DTX4: variants seen among roughly 807,000 people sequenced by gnomAD.
DTX4 encodes E3 ubiquitin-protein ligase DTX4.
In DTX4, 28 loss-of-function variants were observed where a neutral mutation model predicts 57.6. That is an observed-to-expected ratio of 0.49 (90% CI 0.36 to 0.67). DTX4 has a LOEUF of 0.67. Among genes scored for constraint, DTX4 ranks in the 30% least tolerant of loss-of-function variants. The pLI is 0.00. For missense variants in DTX4, 715 were observed against 836.8 expected, an observed-to-expected ratio of 0.85 and a Z score of 1.80; for synonymous variants, 316 against 331.0, an observed-to-expected ratio of 0.95 and a Z score of 0.49.
In DTX4 at chr11:59,205,214, C is replaced by A; in HGVS notation, c.*305C>A. On this transcript the variant is annotated 3_prime_UTR_variant, in exon 9 of 9. Transcript: ENST00000227451. ...CCCTACCCCACCTCCCAAGTAGGGGCATGGTCAGCACACCTAGGGTATGGG... is the reference window on the plus strand; with the variant it reads ...CCCTACCCCACCTCCCAAGTAGGGGAATGGTCAGCACACCTAGGGTATGGG... 2.7e-6 allele frequency: 1 copy of A among 366,856 alleles called. No homozygotes were observed. Among genetic ancestry groups the A allele is most frequent in the Non-Finnish European group, 5.2e-6 (1 of 191,358 alleles). 22.7% of individuals were successfully genotyped at this position (366,856 alleles called of 1,614,324 possible). A position where few individuals can be genotyped will look rare whatever the true frequency, so the allele number is the denominator to read the frequency against.
rs1862842062 is a variant in DTX4, at chr11:59,208,312, A to G, written c.*3403A>G. 1 of 151,640 alleles carries G rather than the reference A, an allele frequency of 6.6e-6. No individual in the cohort carries two copies. The highest frequency in any genetic ancestry group is 6.6e-5 in the Admixed American group (1 of 15,212). 9.4% of individuals were successfully genotyped at this position (151,640 alleles called of 1,614,324 possible). ...GGAAGTCCCTCCCCAACCACTTAAA[A>G]ACAAATTTTCCACATATTACCCACC... is the stretch of plus-strand genomic sequence containing the variant. On this transcript the variant is annotated 3_prime_UTR_variant, in exon 9 of 9. Coordinates refer to ENST00000227451, the MANE Select transcript of DTX4 (RefSeq NM_015177.2).
Position 59,172,683 on chromosome 11 carries a change from A to G in DTX4, c.88A>G (p.Ile30Val). ...RPYSPAVSHHIEAVVRAGPRA... is the reference protein window; with the variant it reads ...RPYSPAVSHHVEAVVRAGPRA... ...CTACAGCCCAGCGGTGAGCCACCACATCGAGGCGGTGGTCCGCGCCGGCCC... is the reference window on the plus strand; with the variant it reads ...CTACAGCCCAGCGGTGAGCCACCACGTCGAGGCGGTGGTCCGCGCCGGCCC... The change falls in exon 1 of 9, where the codon ATC (isoleucine) becomes GTC (valine). Residue 30 changes from isoleucine (I) to valine (V), a missense_variant. By Grantham distance (29) the Ile-to-Val change is conservative. Transcript: ENST00000227451. 1 of 1,600,726 alleles carries G rather than the reference A, an allele frequency of 6.2e-7. No homozygotes were observed. The highest frequency in any genetic ancestry group is 8.5e-7 in the Non-Finnish European group (1 of 1,176,468).
intron 1 of DTX4, among the ~76,000 whole-genome samples, chr11:59,179,427 A>T (rs774247100): frequency 6.6e-6 from 1 of 152,220 alleles, no homozygotes; most frequent in Non-Finnish European, 1.5e-5. Context: ...CCCTTTCCCA[A>T]TTGATTCTTT....
At chr11:59,181,657 G>A in intron 1 of DTX4, 82 bp from the exon 2 acceptor site, 1 of 1,502,838 alleles carries the variant, frequency 6.7e-7, no homozygotes, top group Middle Eastern at 2.4e-4. Context: ...TGCCATTATG[G>A]CAATGGCATG....
At chr11:59,196,125 C>G (rs1460753462) in intron 7 of DTX4, among the ~76,000 whole-genome samples, 1 of 152,190 alleles carries the variant, frequency 6.6e-6, no homozygotes, top group Admixed American at 6.5e-5. Flanking sequence ...TTCTTCTATC[C>G]TCTTTTCCTC....
At chr11:59,180,772 G>T (rs1056740931) in intron 1 of DTX4, among the ~76,000 whole-genome samples, 11 of 152,136 alleles carry the variant, frequency 7.2e-5, no homozygotes, top group African/African-American at 2.7e-4. Context: ...TTCCCTTACA[G>T]TCCTGCCAGT....
rs1204580088 is a variant in DTX4 at position 59,188,678 on chromosome 11, T to C, written c.936-57T>C. 4.9e-6 allele frequency: 7 copies of C among 1,422,790 alleles called. 1 individual carries two copies. Among genetic ancestry groups the C allele is most frequent in the African/African-American group, 4.2e-5 (3 of 70,962 alleles). The allele number at this position is 1,422,790 out of a possible 1,614,324, so 88.1% of individuals were successfully genotyped here. On this transcript the variant is annotated intron_variant, in intron 2 of 8. Transcript: ENST00000227451. ...ACTGCATTTTATTAGAATTAAATAC[T>C]GGTCCATTTTGTTCCACGTGTCAAA... is the stretch of plus-strand genomic sequence containing the variant.
chr11:59,183,905 T>A (rs1862496188), intron 2 of DTX4, among the ~76,000 whole-genome samples: 1 of 152,236 alleles, frequency 6.6e-6, no homozygotes, highest in African/African-American at 2.4e-5. Context: ...ATCTAAGTGT[T>A]AAGCACAGAC....
chr11:59,183,212 A>G (rs1458769631), intron 2 of DTX4, among the ~76,000 whole-genome samples: 1 of 152,110 alleles, frequency 6.6e-6, no homozygotes, highest in African/African-American at 2.4e-5. Flanking sequence ...CCAAGTACCT[A>G]CCACAATGCC....
chr11:59,191,316 A>AG (rs1168013309), intron 5 of DTX4, 141 bp downstream of exon 5: 3 of 794,842 alleles, frequency 3.8e-6, no homozygotes, highest in Non-Finnish European at 5.9e-6. Context: ...ACTGACACTG[A>AG]GGGTTCAAGG....
intron 5 of DTX4, 151 bp from the exon 6 acceptor site, chr11:59,191,947 A>G: frequency 1.2e-6 from 1 of 808,330 alleles, no homozygotes; most frequent in Non-Finnish European, 1.9e-6. Flanking sequence ...AGACAAAACG[A>G]TATTTAGATT....
chr11:59,191,217 C>T, intron 5 of DTX4, 42 bp downstream of exon 5: 1 of 1,536,534 alleles, frequency 6.5e-7, no homozygotes, highest in Non-Finnish European at 8.8e-7. Flanking sequence ...CTCTCCATCA[C>T]CCACAAGCAT....
chr11:59,188,487 G>T (rs777147724), intron 2 of DTX4, among the ~76,000 whole-genome samples: 6 of 152,298 alleles, frequency 3.9e-5, no homozygotes, highest in Non-Finnish European at 7.4e-5. Context: ...AAGCTGGGTG[G>T]CAGTGTTGGC....
chr11:59,180,557 CT>C (rs1280541499), intron 1 of DTX4, among the ~76,000 whole-genome samples: 2 of 152,176 alleles, frequency 1.3e-5, no homozygotes, highest in Non-Finnish European at 2.9e-5. Context: ...TGAAGGCAGC[CT>C]TTTCTCACCA....
intron 1 of DTX4, among the ~76,000 whole-genome samples, chr11:59,179,126 A>G (rs1862429866): frequency 6.6e-6 from 1 of 152,184 alleles, no homozygotes; most frequent in Non-Finnish European, 1.5e-5. Context: ...GAGAGAATAT[A>G]AAATAGTGCC....
At chr11:59,182,504 A>T (rs1565216846) in intron 2 of DTX4, 42 bp downstream of exon 2, 1 of 1,534,608 alleles carries the variant, frequency 6.5e-7, no homozygotes, top group Admixed American at 2.0e-5. Context: ...TACTCAGGGT[A>T]GAGATAGGCT....
chr11:59,176,165 G>A (rs910045982), intron 1 of DTX4, among the ~76,000 whole-genome samples: 1 of 152,062 alleles, frequency 6.6e-6, no homozygotes, highest in Non-Finnish European at 1.5e-5. Flanking sequence ...CTGAGTTTTA[G>A]CCCCGCCACA....
chr11:59,172,549 CG>C lies in DTX4; in HGVS notation c.-43del. On this transcript the variant is annotated 5_prime_UTR_variant, in exon 1 of 9. Transcript: ENST00000227451. ...GAGGAAGCGGAGGAGGTCGGGCGCT[CG>C]GGGCCCGGGAGGCGGGCCGCGCAGC... The C allele has an allele frequency of 7.9e-7, 1 of 1,263,880 alleles. No homozygotes were observed. The highest frequency in any genetic ancestry group is 1.0e-6 in the Non-Finnish European group (1 of 995,472). The allele number at this position is 1,263,880 out of a possible 1,614,324, so 78.3% of individuals were successfully genotyped here.
In DTX4 at chr11:59,206,568, C is replaced by T. The variant is rs1862812932; in HGVS notation, c.*1659C>T. ...CATAATATTTGGAAGGTTTTTGATG[C>T]TAGAAAAATGGAAACAAGAGAACCT... On this transcript the variant is annotated 3_prime_UTR_variant, in exon 9 of 9. Transcript: ENST00000227451. The T allele has an allele frequency of 6.7e-6, 1 of 149,646 alleles. No homozygotes were observed. The highest frequency in any genetic ancestry group is 1.5e-5 in the Non-Finnish European group (1 of 67,570). 9.3% of individuals were successfully genotyped at this position (149,646 alleles called of 1,614,324 possible). A position where few individuals can be genotyped will look rare whatever the true frequency, so the allele number is the denominator to read the frequency against.
Sources: allele counts gnomAD v4.1 joint callset (sites outside exome capture counted in the v4.1 genomes callset), GRCh38; gene constraint gnomAD v4.1.1; transcripts MANE v1.5; gene names NCBI Gene and HGNC (gene_info 2026-07-23, HGNC 2026-07-21).